Variants in SLC39A11 observed in about 807,000 individuals in gnomAD.
SLC39A11 encodes the protein solute carrier family 39 member 11.
Under a neutral mutation model 36.1 loss-of-function variants are expected in SLC39A11, and 33 were observed. That is an observed-to-expected ratio of 0.91 (90% CI 0.69 to 1.22). The LOEUF (loss-of-function observed/expected upper bound fraction) is 1.22. Among genes scored for constraint, SLC39A11 ranks in the 50% most tolerant of loss-of-function variants. The pLI is 0.00. For synonymous variants in SLC39A11, 166 were observed against 170.3 expected, an observed-to-expected ratio of 0.97 and a Z score of 0.20; for missense variants, 432 against 430.3, an observed-to-expected ratio of 1.00 and a Z score of -0.03.
intron 5 of SLC39A11, among the ~76,000 whole-genome samples, chr17:72,879,106 C>T (rs139748450): frequency 3.4e-4 from 52 of 152,346 alleles, no homozygotes; most frequent in African/African-American, 1.1e-3. Context: ...GGAGCTTCCA[C>T]GCCCTTTCCA....
intron 7 of SLC39A11, among the ~76,000 whole-genome samples, chr17:72,688,530 G>A (rs558921641): frequency 2.6e-4 from 39 of 152,332 alleles, no homozygotes; most frequent in African/African-American, 8.9e-4. Flanking sequence ...TTCAGGAAGT[G>A]GAGGATGCAG....
chr17:72,968,482 G>A (rs1472094127), intron 4 of SLC39A11, among the ~76,000 whole-genome samples: 1 of 152,186 alleles, frequency 6.6e-6, no homozygotes, highest in Non-Finnish European at 1.5e-5. Context: ...GTGACTAATG[G>A]TCTTTCAGTT....
At position 72,648,976 on chromosome 17, in the gene SLC39A11, G is replaced by A. The variant is rs767274458; in HGVS notation, c.771-15C>T. On this transcript the variant is annotated splice_polypyrimidine_tract_variant and intron_variant, in intron 8 of 9. Transcript: ENST00000255559. ...GCTGCCCATACCTAAGGAGAGAACA[G>A]AGACATTTACCACCGCAGGGGGAGG... 3 of 1,606,164 alleles carry A rather than the reference G, an allele frequency of 1.9e-6. No homozygotes were observed. The highest frequency in any genetic ancestry group is 1.7e-4 in the Middle Eastern group (1 of 6,058).
At chr17:73,014,088 T>C (rs2090676850) in intron 4 of SLC39A11, among the ~76,000 whole-genome samples, 1 of 152,252 alleles carries the variant, frequency 6.6e-6, no homozygotes, top group South Asian at 2.1e-4. Flanking sequence ...ACTAGTTCCC[T>C]TAACCCATCC....
At chr17:72,818,342 G>A (rs530525205) in intron 6 of SLC39A11, among the ~76,000 whole-genome samples, 1 of 152,266 alleles carries the variant, frequency 6.6e-6, no homozygotes, top group Non-Finnish European at 1.5e-5. Flanking sequence ...CTTCTATCTT[G>A]TAGCTCCTTG....
At chr17:73,077,277 A>G (rs576882535) in intron 3 of SLC39A11, among the ~76,000 whole-genome samples, 2 of 152,276 alleles carry the variant, frequency 1.3e-5, no homozygotes, top group East Asian at 3.9e-4. Context: ...GGGACCCACC[A>G]GGAGTTTCTT....
At chr17:72,770,868 G>A (rs979198472) in intron 6 of SLC39A11, among the ~76,000 whole-genome samples, 1 of 152,220 alleles carries the variant, frequency 6.6e-6, no homozygotes, top group Non-Finnish European at 1.5e-5. Context: ...AGCTCCTGCT[G>A]ATGGTGAACA....
intron 6 of SLC39A11, among the ~76,000 whole-genome samples, chr17:72,794,869 T>C (rs1435895347): frequency 6.6e-6 from 1 of 152,096 alleles, no homozygotes; most frequent in Non-Finnish European, 1.5e-5. Flanking sequence ...TCACACTGTT[T>C]CTGTGGGTCA....
chr17:72,758,527 G>A (rs1453332033), intron 6 of SLC39A11, among the ~76,000 whole-genome samples: 1 of 152,204 alleles, frequency 6.6e-6, no homozygotes, highest in East Asian at 1.9e-4. Context: ...TGATACCGCA[G>A]TTAAGGGTTT....
At chr17:72,972,850 A>G (rs1257618078) in intron 4 of SLC39A11, among the ~76,000 whole-genome samples, 1 of 152,082 alleles carries the variant, frequency 6.6e-6, no homozygotes, top group Admixed American at 6.6e-5. Context: ...CTTCCCTGCC[A>G]AGGTCAAGTT....
chr17:73,046,807 G>A (rs942814450), intron 3 of SLC39A11, among the ~76,000 whole-genome samples: 24 of 152,050 alleles, frequency 1.6e-4, no homozygotes, highest in African/African-American at 5.5e-4. Flanking sequence ...CGGGCGTGGT[G>A]GCGCATGTCC....
chr17:72,669,950 A>T (rs2070926294), intron 7 of SLC39A11, among the ~76,000 whole-genome samples: 1 of 149,770 alleles, frequency 6.7e-6, no homozygotes, highest in African/African-American at 2.5e-5. Context: ...AGATGTATAT[A>T]CACATATATA....
chr17:73,014,024 G>A (rs924228133), intron 4 of SLC39A11, among the ~76,000 whole-genome samples: 5 of 152,028 alleles, frequency 3.3e-5, no homozygotes, highest in Admixed American at 6.6e-5. Context: ...AGATGTGAAC[G>A]CACCACACAC....
intron 3 of SLC39A11, among the ~76,000 whole-genome samples, chr17:73,063,363 C>T (rs1378833621): frequency 1.3e-5 from 2 of 152,122 alleles, no homozygotes; most frequent in Non-Finnish European, 2.9e-5. Context: ...GCTAATAGAA[C>T]CTCATGTATC....
In SLC39A11 at chr17:72,973,460, C is replaced by T. The variant is rs374493912; in HGVS notation, c.307-25585G>A. 5.9e-5 allele frequency among the ~76,000 whole-genome samples: 9 copies of T among 152,234 alleles called. No homozygotes were observed. The East Asian group carries it at 1.6e-3, about 26-fold the overall frequency. On this transcript the variant is annotated intron_variant, in intron 4 of 9. Coordinates refer to ENST00000255559, the MANE Select transcript of SLC39A11 (RefSeq NM_139177.4). Reference sequence around the variant, plus strand: ...GACTTTTGCTGACCTCACATGGTTTCCCTGGGCTGCAGGGGAGGCTGTAGG... The same window carrying T: ...GACTTTTGCTGACCTCACATGGTTTTCCTGGGCTGCAGGGGAGGCTGTAGG...
chr17:72,828,411 G>A (rs977777727), intron 6 of SLC39A11, among the ~76,000 whole-genome samples: 9 of 152,330 alleles, frequency 5.9e-5, no homozygotes, highest in East Asian at 3.9e-4. Context: ...ATGGGAAGTC[G>A]GAAAAGGCGA....
chr17:72,711,312 G>C (rs976450465), intron 7 of SLC39A11, among the ~76,000 whole-genome samples: 1 of 152,194 alleles, frequency 6.6e-6, no homozygotes, highest in Non-Finnish European at 1.5e-5. Context: ...AAAATGTGAA[G>C]GGGAAAAGAC....
At chr17:72,976,519 A>G (rs1179901991) in intron 4 of SLC39A11, among the ~76,000 whole-genome samples, 1 of 152,168 alleles carries the variant, frequency 6.6e-6, no homozygotes, top group Non-Finnish European at 1.5e-5. Flanking sequence ...GGAAAATGAC[A>G]CCGAGGGGGA....
chr17:72,902,678 C>G (rs980568161), intron 5 of SLC39A11, among the ~76,000 whole-genome samples: 1 of 152,132 alleles, frequency 6.6e-6, no homozygotes, highest in Non-Finnish European at 1.5e-5. Context: ...ATAGAATAAC[C>G]GGACATACTT....
Sources: allele counts gnomAD v4.1 joint callset (sites outside exome capture counted in the v4.1 genomes callset), GRCh38; gene constraint gnomAD v4.1.1; transcripts MANE v1.5; gene names NCBI Gene and HGNC (gene_info 2026-07-23, HGNC 2026-07-21).